Variants in MIER1 observed in about 807,000 individuals in gnomAD.
MIER1 encodes the protein MIER1 transcriptional regulator.
MIER1 carries 40 observed loss-of-function variants against 75.7 expected under a neutral mutation model. That is an observed-to-expected ratio of 0.53 (90% CI 0.41 to 0.69). MIER1 has a LOEUF of 0.69. Among genes scored for constraint, MIER1 ranks in the 30% least tolerant of loss-of-function variants. MIER1 has a pLI of 0.00. For missense variants in MIER1, 574 were observed against 680.2 expected, an observed-to-expected ratio of 0.84 and a Z score of 1.74; for synonymous variants, 213 against 223.4, an observed-to-expected ratio of 0.95 and a Z score of 0.42.
Position 66,986,499 on chromosome 1 carries a change from G to C in MIER1, c.*1599G>C. 6.7e-7 allele frequency: 1 copy of C among 1,497,822 alleles called. No homozygotes were observed. Among genetic ancestry groups the C allele is most frequent in the East Asian group, 2.3e-5 (1 of 44,244 alleles). 92.8% of individuals were successfully genotyped at this position (1,497,822 alleles called of 1,614,324 possible). ...AGCTTCTGTGGTCTTGTTTTTAATGGCTCAACTGTCTGATGTAATTGAGTG... is the reference window on the plus strand; with the variant it reads ...AGCTTCTGTGGTCTTGTTTTTAATGCCTCAACTGTCTGATGTAATTGAGTG... On this transcript the variant is annotated 3_prime_UTR_variant, in exon 14 of 14. Coordinates refer to ENST00000401041, the MANE Select transcript of MIER1 (RefSeq NM_001077700.3).
chr1:66,964,176 A>T (rs1661851447), intron 8 of MIER1, among the ~76,000 whole-genome samples: 1 of 146,452 alleles, frequency 6.8e-6, no homozygotes, highest in East Asian at 2.1e-4. Flanking sequence ...GGTTCAAGTG[A>T]TTCTCCTGCC....
At chr1:66,984,268 T>C (rs982795470) in intron 13 of MIER1, among the ~76,000 whole-genome samples, 1 of 152,224 alleles carries the variant, frequency 6.6e-6, no homozygotes, top group Non-Finnish European at 1.5e-5. Flanking sequence ...ATACCTAATA[T>C]GCTTTTAACA....
At chr1:66,979,536 A>C (rs1665478736) in intron 12 of MIER1, among the ~76,000 whole-genome samples, 1 of 152,186 alleles carries the variant, frequency 6.6e-6, no homozygotes, top group African/African-American at 2.4e-5. Flanking sequence ...CAGCTTTCCA[A>C]ATAATTTTTC....
At position 66,988,260 on chromosome 1, in the gene MIER1, C is replaced by A. The variant is rs540083147; in HGVS notation, c.*3360C>A. The A allele has an allele frequency of 7.4e-4, 113 of 152,420 alleles. No individual in the cohort carries two copies. Among genetic ancestry groups the A allele is most frequent in the African/African-American group, 2.4e-3 (98 of 41,572 alleles). 9.4% of individuals were successfully genotyped at this position (152,420 alleles called of 1,614,324 possible). The stretch of plus-strand genomic sequence containing the variant: ...AACCTTTTATTCTAAAAATGACTCT[C>A]TTCTCTCAAAATGACTTTTTCTGTA... On this transcript the variant is annotated 3_prime_UTR_variant, in exon 14 of 14. Coordinates refer to ENST00000401041, the MANE Select transcript of MIER1 (RefSeq NM_001077700.3).
At chr1:66,930,174 T>A in intron 2 of MIER1, 1 of 1,291,146 alleles carries the variant, frequency 7.7e-7, no homozygotes, top group Non-Finnish European at 9.9e-7. Context: ...CTCGCTGGTC[T>A]TTTCCCTCCA....
chr1:66,965,490 TCA>T (rs945516671), intron 8 of MIER1, among the ~76,000 whole-genome samples: 1 of 152,130 alleles, frequency 6.6e-6, no homozygotes, highest in African/African-American at 2.4e-5. Flanking sequence ...TGAATAATGA[TCA>T]CATTCTCTTA....
Position 66,951,370 on chromosome 1 carries a change from C to A in MIER1, c.339+5075C>A, listed in dbSNP as rs188044827. ...TCTTGAACTCCTGTGTGCAAGCAGT[C>A]CTCCCACTTCGGCCTCCCAAAGTGC... On this transcript the variant is annotated intron_variant, in intron 4 of 13. Coordinates refer to ENST00000401041, the MANE Select transcript of MIER1 (RefSeq NM_001077700.3). 1.7e-3 allele frequency among the ~76,000 whole-genome samples: 259 copies of A among 152,204 alleles called. 2 individuals carry two copies. Among genetic ancestry groups the A allele is most frequent in the African/African-American group, 5.9e-3 (245 of 41,516 alleles).
chr1:66,945,159 C>G (rs1025556346), intron 3 of MIER1, among the ~76,000 whole-genome samples: 1 of 151,952 alleles, frequency 6.6e-6, no homozygotes, highest in Non-Finnish European at 1.5e-5. Flanking sequence ...CTGTAAACCT[C>G]CCTCGGATAC....
chr1:66,942,228 C>CTA (rs1463954133), intron 3 of MIER1, among the ~76,000 whole-genome samples: 3 of 152,148 alleles, frequency 2.0e-5, no homozygotes, highest in African/African-American at 7.2e-5. Context: ...GATGAAAAGG[C>CTA]TATATCCTTT....
In MIER1 at chr1:66,946,216, A is replaced by C. The variant is rs1657602298; in HGVS notation, c.260A>C (p.Asp87Ala). Residue 87 changes from aspartate to alanine, a missense_variant, in exon 4 of 14, where the codon GAT (aspartate) becomes GCT (alanine). Physicochemically the swap from Asp to Ala is moderately radical, Grantham distance 126 (BLOSUM62 -2). Coordinates refer to ENST00000401041, the MANE Select transcript of MIER1 (RefSeq NM_001077700.3). ...PSADMLVHDFDDERTLEEEEM... is the reference protein window; with the variant it reads ...PSADMLVHDFADERTLEEEEM... ...GCTGACATGCTGGTTCATGATTTTG[A>C]TGATGAACGAACATTAGAAGAGGAA... 6.2e-7 allele frequency: 1 copy of C among 1,612,224 alleles called. No homozygotes were observed. Among genetic ancestry groups the C allele is most frequent in the African/African-American group, 1.3e-5 (1 of 74,880 alleles).
intron 3 of MIER1, among the ~76,000 whole-genome samples, chr1:66,944,462 AT>A (rs1468638726): frequency 2.0e-5 from 3 of 151,006 alleles, no homozygotes; most frequent in Non-Finnish European, 4.4e-5. Flanking sequence ...GTAGTACAAT[AT>A]TTTACAGACA....
chr1:66,953,956 TA>T (rs1659564484), intron 4 of MIER1, among the ~76,000 whole-genome samples: 1 of 152,116 alleles, frequency 6.6e-6, no homozygotes, highest in Non-Finnish European at 1.5e-5. Context: ...TTCCATGTGA[TA>T]AAGCCCATCT....
intron 2 of MIER1, among the ~76,000 whole-genome samples, chr1:66,930,668 G>A (rs1178248418): frequency 6.6e-6 from 1 of 151,938 alleles, no homozygotes; most frequent in Non-Finnish European, 1.5e-5. Flanking sequence ...CGAGGGGGAG[G>A]GGGCGCCCGC....
chr1:66,979,016 G>A lies in MIER1; in HGVS notation c.1229+2294G>A, dbSNP rs182665095. Among the ~76,000 whole-genome samples the A allele has an allele frequency of 1.9e-4, 29 of 152,244 alleles. 1 individual carries two copies. In the East Asian group the frequency reaches 3.1e-3, roughly 16 times the overall value. ...TTAATAGTGGTCACCTGGTATAATG[G>A]TATGACGTGAACTAATGTGTTTTTT... On this transcript the variant is annotated intron_variant, in intron 12 of 13. Coordinates refer to ENST00000401041, the MANE Select transcript of MIER1 (RefSeq NM_001077700.3).
chr1:66,980,887 T>G (rs1025286717), intron 12 of MIER1, among the ~76,000 whole-genome samples: 2 of 151,994 alleles, frequency 1.3e-5, no homozygotes, highest in African/African-American at 4.8e-5. Context: ...ACTACTCAGT[T>G]GTGCAGTTGT....
At chr1:66,979,498 CTTA>C (rs1405849436) in intron 12 of MIER1, among the ~76,000 whole-genome samples, 3 of 152,126 alleles carry the variant, frequency 2.0e-5, no homozygotes, top group Non-Finnish European at 2.9e-5. Context: ...AATTGGGAAC[CTTA>C]TTGGAGATTT....
At chr1:66,977,413 A>G (rs930349086) in intron 12 of MIER1, among the ~76,000 whole-genome samples, 2 of 152,042 alleles carry the variant, frequency 1.3e-5, no homozygotes, top group African/African-American at 4.8e-5. Flanking sequence ...CCCAGCATAC[A>G]GTTTTTTTAT....
intron 8 of MIER1, among the ~76,000 whole-genome samples, chr1:66,969,467 C>T (rs1663120951): frequency 7.1e-6 from 1 of 140,110 alleles, no homozygotes; most frequent in African/African-American, 2.7e-5. Flanking sequence ...ATTGCTTGAA[C>T]CTGGGAGGCG....
chr1:66,946,050 C>G (rs1006233866), intron 3 of MIER1, 100 bp from the exon 4 acceptor site: 1 of 1,139,736 alleles, frequency 8.8e-7, no homozygotes, highest in Non-Finnish European at 1.2e-6. Flanking sequence ...TTTCTTGGTA[C>G]TTTTGACTTA....
Sources: allele counts gnomAD v4.1 joint callset (sites outside exome capture counted in the v4.1 genomes callset), GRCh38; gene constraint gnomAD v4.1.1; transcripts MANE v1.5; gene names NCBI Gene and HGNC (gene_info 2026-07-23, HGNC 2026-07-21).